MYO1D: variants seen among roughly 807,000 people sequenced by gnomAD.
MYO1D encodes the protein unconventional myosin-Id.
MYO1D carries 83 observed loss-of-function variants against 122.0 expected under a neutral mutation model. That is an observed-to-expected ratio of 0.68 (90% CI 0.57 to 0.82). The LOEUF (loss-of-function observed/expected upper bound fraction) is 0.82. MYO1D is among the 40% of genes least tolerant of loss of function. The pLI is 0.00. For missense variants in MYO1D, 1,157 were observed against 1,269.5 expected (o/e 0.91, Z 1.35); for synonymous variants, 464 against 446.9 (o/e 1.04, Z -0.48).
intron 20 of MYO1D, among the ~76,000 whole-genome samples, chr17:32,621,458 G>A (rs1474428053): frequency 6.6e-6 from 1 of 151,964 alleles, no homozygotes; most frequent in Non-Finnish European, 1.5e-5. Context: ...TTACCTGCCA[G>A]GTAAGTGGTA....
At chr17:32,860,654 C>A (rs1334810780) in intron 1 of MYO1D, among the ~76,000 whole-genome samples, 4 of 152,194 alleles carry the variant, frequency 2.6e-5, no homozygotes, top group Admixed American at 2.6e-4. Context: ...AGAGTTGCTA[C>A]TTGATTGCAA....
At chr17:32,672,152 A>G (rs1217353955) in intron 16 of MYO1D, among the ~76,000 whole-genome samples, 1 of 152,172 alleles carries the variant, frequency 6.6e-6, no homozygotes, top group East Asian at 1.9e-4. Flanking sequence ...AAGTTTTCCA[A>G]TAGTCCCAAT....
At chr17:32,696,025 G>A (rs1360379281) in intron 16 of MYO1D, among the ~76,000 whole-genome samples, 2 of 152,154 alleles carry the variant, frequency 1.3e-5, no homozygotes, top group Non-Finnish European at 2.9e-5. Flanking sequence ...CTCAGCCTAT[G>A]ATAGAATTTT....
At chr17:32,555,790 C>G (rs1198032176) in intron 21 of MYO1D, among the ~76,000 whole-genome samples, 2 of 152,212 alleles carry the variant, frequency 1.3e-5, no homozygotes, top group Non-Finnish European at 2.9e-5. Flanking sequence ...TCCTCCAACT[C>G]CTGGCCAGCT....
At chr17:32,700,831 C>G (rs2089238473) in intron 16 of MYO1D, among the ~76,000 whole-genome samples, 1 of 151,070 alleles carries the variant, frequency 6.6e-6, no homozygotes, top group African/African-American at 2.4e-5. Context: ...GTAATACCAG[C>G]TACTTGGGAG....
At chr17:32,637,262 A>G (rs1239577894) in intron 20 of MYO1D, among the ~76,000 whole-genome samples, 7 of 152,208 alleles carry the variant, frequency 4.6e-5, no homozygotes, top group Non-Finnish European at 8.8e-5. Context: ...ACAAAATATG[A>G]TTTTCTGCCT....
intron 1 of MYO1D, among the ~76,000 whole-genome samples, chr17:32,821,494 C>T (rs1302774904): frequency 6.6e-6 from 1 of 151,760 alleles, no homozygotes; most frequent in African/African-American, 2.4e-5. Context: ...TGGCCAAGTG[C>T]CCTACAACTG....
At chr17:32,685,607 T>G (rs1188767013) in intron 16 of MYO1D, among the ~76,000 whole-genome samples, 1 of 152,116 alleles carries the variant, frequency 6.6e-6, no homozygotes, top group African/African-American at 2.4e-5. Flanking sequence ...CTAGAACAGG[T>G]TTTCTACGAT....
intron 14 of MYO1D, among the ~76,000 whole-genome samples, chr17:32,721,619 C>T (rs141766444): frequency 9.0e-4 from 137 of 152,258 alleles, no homozygotes; most frequent in African/African-American, 2.7e-3. Context: ...ATGATAGGGA[C>T]GGACAGCTCT....
At chr17:32,579,311 C>T (rs2087307251) in intron 21 of MYO1D, among the ~76,000 whole-genome samples, 1 of 152,174 alleles carries the variant, frequency 6.6e-6, no homozygotes, top group Non-Finnish European at 1.5e-5. Flanking sequence ...TCAAGTGATC[C>T]TCCTGCCTTG....
At chr17:32,529,423 G>A (rs1910444545) in intron 21 of MYO1D, among the ~76,000 whole-genome samples, 1 of 152,210 alleles carries the variant, frequency 6.6e-6, no homozygotes, top group Non-Finnish European at 1.5e-5. Context: ...GACCTGTTTT[G>A]CAGTTGTAAG....
At chr17:32,716,998 G>A (rs567431826) in intron 15 of MYO1D, among the ~76,000 whole-genome samples, 1 of 152,266 alleles carries the variant, frequency 6.6e-6, no homozygotes, top group South Asian at 2.1e-4. Context: ...AAAGTCACAA[G>A]CAAAAATTCA....
chr17:32,760,796 C>G (rs756077033), intron 8 of MYO1D, among the ~76,000 whole-genome samples, 169 bp from the exon 9 acceptor site: 4 of 152,180 alleles, frequency 2.6e-5, no homozygotes, highest in Non-Finnish European at 4.4e-5. Flanking sequence ...AAAACCCAAA[C>G]TACCTGATGT....
chr17:32,771,730 T>C (rs1405055382), intron 5 of MYO1D, among the ~76,000 whole-genome samples: 2 of 152,220 alleles, frequency 1.3e-5, no homozygotes, highest in Admixed American at 6.5e-5. Flanking sequence ...ATGATTGTAG[T>C]ATTGGATAAA....
intron 20 of MYO1D, among the ~76,000 whole-genome samples, chr17:32,629,929 T>C (rs1261142903): frequency 6.6e-6 from 1 of 152,088 alleles, no homozygotes; most frequent in Non-Finnish European, 1.5e-5. Context: ...GCATGGATAC[T>C]GGAAATGAAC....
intron 19 of MYO1D, among the ~76,000 whole-genome samples, chr17:32,645,534 G>C (rs1448476642): frequency 6.6e-6 from 1 of 152,156 alleles, no homozygotes. Context: ...TCACTTTCAG[G>C]TGCACCAATC....
chr17:32,794,490 T>C (rs572046032), intron 1 of MYO1D, among the ~76,000 whole-genome samples: 41 of 152,154 alleles, frequency 2.7e-4, no homozygotes, highest in Non-Finnish European at 5.0e-4. Flanking sequence ...TATTTAATTG[T>C]ATTTGTATCC....
chr17:32,731,265 C>T (rs561095722), intron 14 of MYO1D, among the ~76,000 whole-genome samples: 22 of 152,130 alleles, frequency 1.4e-4, no homozygotes, highest in Non-Finnish European at 2.9e-4. Context: ...TCTGGATAAT[C>T]CTTCAGTTCT....
At chr17:32,707,724 C>A (rs2089326461) in intron 16 of MYO1D, among the ~76,000 whole-genome samples, 1 of 152,204 alleles carries the variant, frequency 6.6e-6, no homozygotes, top group African/African-American at 2.4e-5. Context: ...TGTGTTTAAA[C>A]TATGTTTATA....
Sources: gnomAD v4.1 joint callset for allele counts (sites outside exome capture counted in the v4.1 genomes callset) on GRCh38, gnomAD v4.1.1 for gene constraint, MANE v1.5 for transcripts, NCBI Gene and HGNC (gene_info 2026-07-23, HGNC 2026-07-21) for gene names.